Variants in TTC28 observed in about 807,000 individuals in gnomAD.
TTC28 encodes tetratricopeptide repeat domain 28.
TTC28 carries 61 observed loss-of-function variants against 198.0 expected under a neutral mutation model. That is an observed-to-expected ratio of 0.31 (90% CI 0.25 to 0.38). The LOEUF (loss-of-function observed/expected upper bound fraction) is 0.38, where lower values mean the gene tolerates loss of function less well. Among genes scored for constraint, TTC28 ranks in the 10% least tolerant of loss-of-function variants. TTC28 has a pLI of 1.00. For missense variants in TTC28, 2,678 were observed against 3,164.0 expected (o/e 0.85, Z 3.69); for synonymous variants, 1,171 against 1,297.8 (o/e 0.90, Z 2.10).
chr22:28,591,028 C>CATT (rs2050419079), intron 2 of TTC28, among the ~76,000 whole-genome samples: 1 of 77,360 alleles, frequency 1.3e-5, no homozygotes, highest in Non-Finnish European at 2.4e-5. Context: ...CACACACACA[C>CATT]ACACACACAC....
chr22:28,590,059 A>AT (rs1431483244), intron 2 of TTC28, among the ~76,000 whole-genome samples: 2 of 139,962 alleles, frequency 1.4e-5, no homozygotes, highest in East Asian at 4.2e-4. Context: ...AAAAAAAAAA[A>AT]AAACACAGAA....
intron 12 of TTC28, among the ~76,000 whole-genome samples, chr22:28,041,017 A>G (rs193254393): frequency 1.5e-3 from 223 of 152,244 alleles, no homozygotes; most frequent in Non-Finnish European, 2.5e-3. Flanking sequence ...TAGAAATCCA[A>G]CCTACAAGGG....
At chr22:28,221,657 A>G (rs1417982779) in intron 5 of TTC28, among the ~76,000 whole-genome samples, 1 of 152,164 alleles carries the variant, frequency 6.6e-6, no homozygotes, top group Non-Finnish European at 1.5e-5. Flanking sequence ...TGTGTCCTAA[A>G]CAGGGCACGG....
chr22:28,001,603 G>T (rs138654), intron 14 of TTC28, 50 bp from the exon 15 acceptor site: 117,767 of 1,529,604 alleles, frequency 0.077, 5,078 homozygotes, highest in South Asian at 0.089. Context: ...GCAGGCAGGG[G>T]TTTCAGGCAC....
intron 2 of TTC28, among the ~76,000 whole-genome samples, chr22:28,327,289 T>C (rs570485038): frequency 7.4e-4 from 113 of 152,186 alleles, no homozygotes; most frequent in Non-Finnish European, 1.3e-3. Flanking sequence ...AATTCTCATA[T>C]TGTAAGGTAT....
rs189729077 is a variant in TTC28, at chr22:28,345,032, T to C, written c.382-38389A>G. 1.5e-3 allele frequency among the ~76,000 whole-genome samples: 225 copies of C among 152,298 alleles called. 1 individual carries two copies. Among genetic ancestry groups the C allele is most frequent in the Middle Eastern group, 3.4e-3 (1 of 294 alleles). On this transcript the variant is annotated intron_variant, in intron 2 of 22. Transcript: ENST00000397906. ...ACACACATTTCTTAAGCAACTGAGT[T>C]AGGATTCAAACTCAGATCTGACTTC...
intron 2 of TTC28, among the ~76,000 whole-genome samples, chr22:28,537,233 C>A (rs1386034017): frequency 6.7e-6 from 1 of 149,476 alleles, no homozygotes; most frequent in Non-Finnish European, 1.5e-5. Flanking sequence ...GCAGAGCTTG[C>A]AGTGAGTCGA....
intron 2 of TTC28, among the ~76,000 whole-genome samples, chr22:28,355,843 G>A (rs527417198): frequency 1.3e-5 from 2 of 152,180 alleles, no homozygotes; most frequent in Non-Finnish European, 2.9e-5. Flanking sequence ...ATGGAGTCCA[G>A]AACAACGAAT....
intron 2 of TTC28, among the ~76,000 whole-genome samples, chr22:28,590,775 G>A (rs1364379465): frequency 4.0e-5 from 6 of 150,834 alleles, no homozygotes; most frequent in African/African-American, 7.3e-5. Context: ...TTGGGAGGCC[G>A]AGGTGGGTGG....
intron 5 of TTC28, among the ~76,000 whole-genome samples, chr22:28,247,413 A>G (rs1454784505): frequency 6.6e-6 from 1 of 152,232 alleles, no homozygotes; most frequent in Non-Finnish European, 1.5e-5. Flanking sequence ...ACTCAGCTCA[A>G]GAATCACTAT....
chr22:28,172,249 C>T (rs189109691), intron 5 of TTC28, among the ~76,000 whole-genome samples: 141 of 152,262 alleles, frequency 9.3e-4, no homozygotes, highest in South Asian at 3.9e-3. Context: ...AACTTAACTT[C>T]GCTGAGCCTT....
chr22:28,399,001 G>A (rs1461901941), intron 2 of TTC28, among the ~76,000 whole-genome samples: 1 of 150,168 alleles, frequency 6.7e-6, no homozygotes, highest in African/African-American at 2.4e-5. Context: ...CAGTTGTTTG[G>A]GGAGTTATTT....
chr22:28,323,656 T>C (rs1418723599), intron 2 of TTC28, among the ~76,000 whole-genome samples: 1 of 152,208 alleles, frequency 6.6e-6, no homozygotes, highest in African/African-American at 2.4e-5. Flanking sequence ...TAAGAGTTAT[T>C]AGCCTTAAAG....
At chr22:28,535,773 C>T (rs2049254521) in intron 2 of TTC28, among the ~76,000 whole-genome samples, 1 of 152,080 alleles carries the variant, frequency 6.6e-6, no homozygotes, top group Admixed American at 6.6e-5. Flanking sequence ...CTCCCTCTCT[C>T]TCCTCCTGGC....
intron 5 of TTC28, among the ~76,000 whole-genome samples, chr22:28,242,075 CAT>C (rs1264115538): frequency 6.6e-6 from 1 of 152,156 alleles, no homozygotes; most frequent in Non-Finnish European, 1.5e-5. Context: ...AGTAAAATGA[CAT>C]AGCAGAAACT....
chr22:28,199,526 T>TATAC (rs1335647895), intron 5 of TTC28, among the ~76,000 whole-genome samples: 2 of 50,030 alleles, frequency 4.0e-5, no homozygotes, highest in Non-Finnish European at 1.1e-4. Context: ...AAGAAATACC[T>TATAC]ATACATATAT....
intron 2 of TTC28, among the ~76,000 whole-genome samples, chr22:28,478,392 C>T (rs1293371988): frequency 6.6e-6 from 1 of 152,028 alleles, no homozygotes; most frequent in Non-Finnish European, 1.5e-5. Flanking sequence ...GCCTGTAATA[C>T]CAGCTACTCG....
chr22:28,600,898 C>T (rs539822964), intron 2 of TTC28, among the ~76,000 whole-genome samples: 1 of 152,276 alleles, frequency 6.6e-6, no homozygotes, highest in African/African-American at 2.4e-5. Context: ...TCTCAATATG[C>T]TTTCTAGAAA....
At position 28,632,651 on chromosome 22, in the gene TTC28, C is replaced by A. The variant is rs575327767; in HGVS notation, c.103-2821G>T. ...TGGTTCTGCTTAAGGTCAATAATAC[C>A]ATAAGTTATAGAAACAAATTCTGTA... is the stretch of plus-strand genomic sequence containing the variant. On this transcript the variant is annotated intron_variant, in intron 1 of 22. Transcript: ENST00000397906. Among the ~76,000 whole-genome samples, 6 of 151,370 alleles carry A rather than the reference C, an allele frequency of 4.0e-5. 1 individual carries two copies. Among genetic ancestry groups the A allele is most frequent in the Non-Finnish European group, 8.8e-5 (6 of 67,926 alleles).
Sources: allele counts gnomAD v4.1 joint callset (sites outside exome capture counted in the v4.1 genomes callset), GRCh38; gene constraint gnomAD v4.1.1; transcripts MANE v1.5; gene names NCBI Gene and HGNC (gene_info 2026-07-23, HGNC 2026-07-21).